PIEZO2: variants seen among roughly 807,000 people sequenced by gnomAD.
The protein encoded by PIEZO2 is piezo type mechanosensitive ion channel component 2.
A neutral mutation model predicts 337.3 loss-of-function variants in PIEZO2; 172 were observed. That is an observed-to-expected ratio of 0.51 (90% CI 0.45 to 0.58). The LOEUF (loss-of-function observed/expected upper bound fraction) is 0.58. Among genes scored for constraint, PIEZO2 ranks in the 20% least tolerant of loss-of-function variants. The pLI is 0.00. For missense variants in PIEZO2, 3,028 were observed against 3,391.3 expected (o/e 0.89, Z 2.66); for synonymous variants, 1,251 against 1,228.5 (o/e 1.02, Z -0.38).
chr18:10,675,374 G>T, intron 53 of PIEZO2, 86 bp from the exon 54 acceptor site: 1 of 762,194 alleles, frequency 1.3e-6, no homozygotes, highest in Non-Finnish European at 2.1e-6. Context: ...TGTTGACCTT[G>T]TATCACCAAA....
At position 10,682,946 on chromosome 18, in the gene PIEZO2, T is replaced by C. The variant is rs1428369129; in HGVS notation, c.7498-654A>G. Reference sequence around the variant, plus strand: ...GGGAGCACTTCTGTTTGCTTTAATATAGATTCATGAAGGACCCACTAAGCC... The same window carrying C: ...GGGAGCACTTCTGTTTGCTTTAATACAGATTCATGAAGGACCCACTAAGCC... On this transcript the variant is annotated intron_variant, in intron 49 of 55. Transcript: ENST00000674853. This position sits in a 1 kb window ranked among gnomAD's most constrained non-coding sequence, Gnocchi z 5.6. 2.6e-5 allele frequency among the ~76,000 whole-genome samples: 4 copies of C among 152,186 alleles called. No homozygotes were observed. The highest frequency in any genetic ancestry group is 4.4e-5 in the Non-Finnish European group (3 of 68,018).
At chr18:10,800,307 T>C (rs2144264868) in intron 11 of PIEZO2, 30 bp downstream of exon 11, 1 of 1,507,656 alleles carries the variant, frequency 6.6e-7, no homozygotes, top group East Asian at 2.5e-5. Flanking sequence ...GAGGAAGAAA[T>C]GCGACCCTGA....
intron 49 of PIEZO2, among the ~76,000 whole-genome samples, chr18:10,688,053 T>C (rs2034629307): frequency 6.6e-6 from 1 of 152,230 alleles, no homozygotes. Flanking sequence ...GTTTGTTACA[T>C]AGGTATACAT....
In PIEZO2 at chr18:11,080,148, C is replaced by T. The variant is rs186181605; in HGVS notation, c.65-13926G>A. ...ACCTCTCTCATCTACACAGAAAACA[C>T]CTATAAAAATAACAGACTATTAACA... On this transcript the variant is annotated intron_variant, in intron 1 of 55. Transcript: ENST00000674853. The surrounding 1 kb of genome is among the most constrained non-coding windows in gnomAD (Gnocchi z 5.4). 1.1e-4 allele frequency among the ~76,000 whole-genome samples: 17 copies of T among 152,234 alleles called. No individual in the cohort carries two copies. Among genetic ancestry groups the T allele is most frequent in the Non-Finnish European group, 1.6e-4 (11 of 68,014 alleles).
rs113481157 is a variant in PIEZO2, at chr18:11,015,083, C to T, written c.161-35423G>A. ...AGTGTGGGGAAGATGTCACCCTGGG[C>T]GGGACAGCGATCCGGGGCCCCCCTC... is the stretch of plus-strand genomic sequence containing the variant. On this transcript the variant is annotated intron_variant, in intron 2 of 55. Transcript: ENST00000674853. Among the ~76,000 whole-genome samples the T allele has an allele frequency of 7.8e-4, 74 of 94,400 alleles. 1 individual carries two copies. Among genetic ancestry groups the T allele is most frequent in the Middle Eastern group, 9.8e-3 (1 of 102 alleles). The allele number at this position is 94,400 out of a possible 152,430, so 61.9% of individuals were successfully genotyped here. A position where few individuals can be genotyped will look rare whatever the true frequency, so the allele number is the denominator to read the frequency against.
At chr18:10,916,512 C>CGG (rs1355376744) in intron 3 of PIEZO2, among the ~76,000 whole-genome samples, 5 of 152,180 alleles carry the variant, frequency 3.3e-5, no homozygotes, top group Non-Finnish European at 7.4e-5. Context: ...TCCCCCTCCA[C>CGG]ACCTGCTGGC....
chr18:10,812,522 T>C (rs2040226343), intron 7 of PIEZO2, among the ~76,000 whole-genome samples: 1 of 140,118 alleles, frequency 7.1e-6, no homozygotes, highest in African/African-American at 2.5e-5. Flanking sequence ...GAAACTATAA[T>C]AAAAGTTATT....
chr18:10,925,624 G>C (rs147680745), intron 3 of PIEZO2, among the ~76,000 whole-genome samples: 2 of 152,164 alleles, frequency 1.3e-5, no homozygotes, highest in Admixed American at 1.3e-4. Flanking sequence ...CTGTCCCCCA[G>C]ACTGGAGTGC....
At chr18:10,978,734 G>C (rs1201903365) in intron 3 of PIEZO2, among the ~76,000 whole-genome samples, 4 of 152,088 alleles carry the variant, frequency 2.6e-5, no homozygotes, top group Admixed American at 6.5e-5. Context: ...CCACAAATGG[G>C]TTCCTCAAAG....
chr18:11,095,411 A>G (rs1474650121), intron 1 of PIEZO2, among the ~76,000 whole-genome samples: 2 of 152,130 alleles, frequency 1.3e-5, no homozygotes, highest in South Asian at 2.1e-4. Flanking sequence ...GACCCTATGC[A>G]CTACACTGGC....
chr18:11,034,839 C>T (rs1220237639), intron 2 of PIEZO2, among the ~76,000 whole-genome samples: 1 of 152,008 alleles, frequency 6.6e-6, no homozygotes, highest in African/African-American at 2.4e-5. Flanking sequence ...AGCGAGACTC[C>T]GTCTCAAACA....
chr18:10,711,615 C>CAA (rs150306811), intron 39 of PIEZO2, among the ~76,000 whole-genome samples: 37 of 151,044 alleles, frequency 2.4e-4, no homozygotes, highest in South Asian at 4.2e-4. Flanking sequence ...ATTCAGGTAA[C>CAA]AAAAAAAAAT....
At chr18:11,015,487 C>T (rs2036084723) in intron 2 of PIEZO2, among the ~76,000 whole-genome samples, 2 of 152,158 alleles carry the variant, frequency 1.3e-5, no homozygotes, top group Admixed American at 1.3e-4. Flanking sequence ...CTGCAAAGTC[C>T]TTTTTGCCCT....
At chr18:10,801,339 C>T in intron 10 of PIEZO2, 51 bp downstream of exon 10, 3 of 1,405,280 alleles carry the variant, frequency 2.1e-6, no homozygotes, top group East Asian at 5.0e-5. Context: ...CCATTTGTTG[C>T]CTTTACATCA....
intron 49 of PIEZO2, among the ~76,000 whole-genome samples, chr18:10,684,888 GAT>G (rs1258388203): frequency 6.6e-6 from 1 of 151,402 alleles, no homozygotes; most frequent in East Asian, 1.9e-4. Flanking sequence ...GCTGCCCTGA[GAT>G]AGTCTCTTGC....
In PIEZO2 at chr18:11,149,476, C is replaced by A. The variant is rs752023021; in HGVS notation, c.-888G>T. Among the ~76,000 whole-genome samples the A allele has an allele frequency of 2.0e-5, 3 of 151,898 alleles. No homozygotes were observed. The highest frequency in any genetic ancestry group is 6.5e-5 in the Admixed American group (1 of 15,278). ...CTCAAGAGAAAAACCAGCGCCGTCC[C>A]GTCGCCCAGCGCGACCACCGCCTGC... On this transcript the variant is annotated 5_prime_UTR_variant, in exon 1 of 56. Transcript: ENST00000674853. The surrounding 1 kb of genome is among the most constrained non-coding windows in gnomAD (Gnocchi z 8.7).
chr18:10,750,106 T>C lies in PIEZO2; in HGVS notation c.4249A>G (p.Lys1417Glu), dbSNP rs1345353065. 6.5e-7 allele frequency: 1 copy of C among 1,536,824 alleles called. No homozygotes were observed. Among genetic ancestry groups the C allele is most frequent in the Admixed American group, 2.0e-5 (1 of 51,002 alleles). The change falls in exon 29 of 56, where the codon AAA (lysine) becomes GAA (glutamate). Residue 1417 changes from lysine to glutamate, a missense_variant. Transcript: ENST00000674853. The surrounding 1 kb of genome is among the most constrained non-coding windows in gnomAD (Gnocchi z 4.1). ...IQAFSLACTV[K>E]GYQMPAANSP... ...TCATACTTACGCATTTGATAGCCTTTGACTGTGCAGGCCAGGCTGAAAGCC... is the reference window on the plus strand; with the variant it reads ...TCATACTTACGCATTTGATAGCCTTCGACTGTGCAGGCCAGGCTGAAAGCC...
rs2034809902 is a variant in PIEZO2, at chr18:10,691,216, G to C, written c.7349+9C>G. ...CCATAAGTGACTGTGACGTTGCAGA[G>C]CGTCCTACCCTTGGAATAAGAAGAG... On this transcript the variant is annotated intron_variant, in intron 48 of 55. Transcript: ENST00000674853. 1 of 1,611,350 alleles carries C rather than the reference G, an allele frequency of 6.2e-7. No individual in the cohort carries two copies. Among genetic ancestry groups the C allele is most frequent in the African/African-American group, 1.3e-5 (1 of 74,750 alleles).
intron 3 of PIEZO2, among the ~76,000 whole-genome samples, chr18:10,964,143 A>G (rs1295515488): frequency 6.6e-6 from 1 of 152,202 alleles, no homozygotes; most frequent in Non-Finnish European, 1.5e-5. Context: ...CAAAGTCTCT[A>G]TACCAAATAA....
Sources: gnomAD v4.1 joint callset for allele counts (sites outside exome capture counted in the v4.1 genomes callset) on GRCh38, gnomAD v4.1.1 for gene constraint, Gnocchi (gnomAD v3.1) non-coding constraint, MANE v1.5 for transcripts, NCBI Gene and HGNC (gene_info 2026-07-23, HGNC 2026-07-21) for gene names.